STAG2: variants seen among roughly 807,000 people sequenced by gnomAD.
STAG2 encodes cohesin subunit SA-2.
Under a neutral mutation model 108.1 loss-of-function variants are expected in STAG2, and 14 were observed. The observed-to-expected ratio is 0.13, with a 90% confidence interval of 0.09 to 0.20. STAG2 has a LOEUF of 0.20. STAG2 is among the 10% of genes least tolerant of loss of function. STAG2 has a pLI of 1.00. For missense variants in STAG2, 440 were observed against 940.9 expected (o/e 0.47, Z 6.96); for synonymous variants, 307 against 302.7 (o/e 1.01, Z -0.15).
chrX:123,977,471 T>C (rs975056257), intron 1 of STAG2, among the ~76,000 whole-genome samples: 24 of 111,298 alleles, frequency 2.2e-4, no homozygotes, highest in African/African-American at 7.5e-4. Flanking sequence ...CCGGTATCTT[T>C]ACAGTTTCTG....
chrX:124,043,301 G>A (rs1288795703), intron 7 of STAG2, among the ~76,000 whole-genome samples: 1 of 108,527 alleles, frequency 9.2e-6, no homozygotes, highest in Non-Finnish European at 1.9e-5. Flanking sequence ...AATAATTTCT[G>A]TATTTTTAGT....
At chrX:124,009,392 C>CAGGTAGGTAGGTAGGT (rs748240892) in intron 1 of STAG2, among the ~76,000 whole-genome samples, 108 of 90,543 alleles carry the variant, frequency 1.2e-3, no homozygotes, top group African/African-American at 4.1e-3. Context: ...GTAATCTAAC[C>CAGGTAGGTAGGTAGGT]AGGTAGGTAG....
intron 3 of STAG2, 28 bp from the exon 4 acceptor site, chrX:124,025,812 G>T: frequency 1.9e-6 from 2 of 1,026,305 alleles, no homozygotes; most frequent in Non-Finnish European, 2.6e-6. Flanking sequence ...TCTAAGGAAG[G>T]GTTTTAATTC....
At position 124,066,440 on chromosome X, in the gene STAG2, TGTG is replaced by T; in HGVS notation, c.2265+10_2265+12del. On this transcript the variant is annotated splice_donor_5th_base_variant and intron_variant, in intron 23 of 34. Transcript: ENST00000371145. ...AACTGAAAGCAGCTCTACAAAGGTT[TGTG>T]GTGGTTCAGTAGTGTTTTTATTAGA... The T allele has an allele frequency of 8.4e-7, 1 of 1,191,176 alleles. No homozygotes were observed. The highest frequency in any genetic ancestry group is 1.1e-6 in the Non-Finnish European group (1 of 879,357).
chrX:123,994,732 T>C (rs1030648122), intron 1 of STAG2, among the ~76,000 whole-genome samples: 1 of 111,910 alleles, frequency 8.9e-6, no homozygotes, highest in Non-Finnish European at 1.9e-5. Context: ...AGAGCTATTA[T>C]GTGGATTATC....
At chrX:124,067,027 A>AT (rs2058549724) in intron 23 of STAG2, among the ~76,000 whole-genome samples, 1 of 111,254 alleles carries the variant, frequency 9.0e-6, no homozygotes, top group East Asian at 2.8e-4. Flanking sequence ...ATTACCTTAA[A>AT]TATTGTTTGG....
rs375818259 is a variant in STAG2 at position 124,078,798 on chromosome X, G to A, written c.2775+740G>A. ...AGCCTGGCCAACATGGTGAAACCCC[G>A]TCTCTACTAAAAATACAAAAATTAG... On this transcript the variant is annotated intron_variant, in intron 27 of 34. Coordinates refer to ENST00000371145, the MANE Select transcript of STAG2 (RefSeq NM_001042750.2). Among the ~76,000 whole-genome samples the A allele has an allele frequency of 3.5e-4, 38 of 109,408 alleles. 1 individual carries two copies. The East Asian group carries it at 7.3e-3, about 21-fold the overall frequency.
chrX:124,063,839 AT>A lies in STAG2; in HGVS notation c.1822-5del. The A allele has an allele frequency of 5.0e-6, 6 of 1,198,183 alleles. No homozygotes were observed. Among genetic ancestry groups the A allele is most frequent in the Non-Finnish European group, 6.8e-6 (6 of 884,029 alleles). On this transcript the variant is annotated splice_polypyrimidine_tract_variant and splice_region_variant and intron_variant, in intron 19 of 34. Transcript: ENST00000371145. ...CTTAGTTTTGATGAAAAATATTATT[AT>A]TTTGCAGCATTTGGATGCCTTATTG... is the stretch of plus-strand genomic sequence containing the variant.
At chrX:124,028,824 T>TATATATATATATA (rs1569507053) in intron 4 of STAG2, among the ~76,000 whole-genome samples, 2 of 65,709 alleles carry the variant, frequency 3.0e-5, no homozygotes, top group African/African-American at 1.2e-4. Context: ...ATATATATAT[T>TATATATATATATA]TTTTTTTTTA....
chrX:124,052,811 ATTTC>A (rs1423520033), intron 13 of STAG2, among the ~76,000 whole-genome samples: 1 of 105,124 alleles, frequency 9.5e-6, no homozygotes, highest in Non-Finnish European at 2.0e-5. Flanking sequence ...AAGATTTCCA[ATTTC>A]TTTTTTTTTT....
rs1482003828 is a variant in STAG2, at chrX:124,010,419, GC to G, written c.-162-10945del. On this transcript the variant is annotated intron_variant, in intron 1 of 34. Transcript: ENST00000371145. ...ACTAGCTTATTTCAGTTAGCATAAT[GC>G]CCTTAGGGTCCATCCGTGTTGTAAT... Among the ~76,000 whole-genome samples, 47 of 111,729 alleles carry G rather than the reference GC, an allele frequency of 4.2e-4. 1 individual carries two copies. Among genetic ancestry groups the G allele is most frequent in the Non-Finnish European group, 7.7e-4 (41 of 53,055 alleles).
intron 5 of STAG2, among the ~76,000 whole-genome samples, chrX:124,035,541 G>C (rs1175585074): frequency 8.9e-6 from 1 of 111,839 alleles, no homozygotes; most frequent in Non-Finnish European, 1.9e-5. Flanking sequence ...GATTCTTTGG[G>C]TCTGGAATTC....
rs993969595 is a variant in STAG2 at position 124,102,303 on chromosome X, AT to A, written c.*1714del. 50 of 157,075 alleles carry A rather than the reference AT, an allele frequency of 3.2e-4. No individual in the cohort carries two copies. Among genetic ancestry groups the A allele is most frequent in the African/African-American group, 1.4e-3 (45 of 32,893 alleles). The allele number at this position is 157,075 out of a possible 1,213,427, so 12.9% of individuals were successfully genotyped here. A position where few individuals can be genotyped will look rare whatever the true frequency, so the allele number is the denominator to read the frequency against. On this transcript the variant is annotated 3_prime_UTR_variant, in exon 35 of 35. Coordinates refer to ENST00000371145, the MANE Select transcript of STAG2 (RefSeq NM_001042750.2). ...TATATATGATTTTAAACCTAAGTTG[AT>A]TTTTTTTCTCACTCTTGAAAGGAGT...
chrX:124,091,588 T>C (rs1337442546), intron 32 of STAG2, among the ~76,000 whole-genome samples: 1 of 112,261 alleles, frequency 8.9e-6, no homozygotes, highest in African/African-American at 3.2e-5. Context: ...AAAATCATCA[T>C]AAAAGAACAA....
intron 3 of STAG2, among the ~76,000 whole-genome samples, chrX:124,025,463 G>A (rs749924066): frequency 5.4e-5 from 6 of 111,240 alleles, no homozygotes; most frequent in Admixed American, 1.9e-4. Context: ...CCAATGCCTA[G>A]TATTAAAATA....
intron 30 of STAG2, 53 bp downstream of exon 30, chrX:124,086,823 ATTGT>A: frequency 1.1e-6 from 1 of 940,700 alleles, no homozygotes. Flanking sequence ...TACCAACTGA[ATTGT>A]CATTAAGGTT....
intron 6 of STAG2, 31 bp downstream of exon 6, chrX:124,037,654 T>A (rs902863701): frequency 7.3e-6 from 7 of 957,017 alleles, no homozygotes; most frequent in Non-Finnish European, 8.7e-6. Context: ...AATCAGCAGC[T>A]CTCAAATAGT....
Position 124,071,161 on chromosome X carries a change from C to A in STAG2, c.2371C>A (p.Leu791Met). The change falls in exon 25 of 35, where the codon CTG (leucine) becomes ATG (methionine). Residue 791 changes from leucine (L) to methionine (M), a missense_variant. Leu to Met is a conservative substitution (Grantham distance 15). Around this residue, in one of 3 missense-constraint regions of STAG2, gnomAD observed 337 missense variants for 649.3 expected, o/e 0.52. Coordinates refer to ENST00000371145, the MANE Select transcript of STAG2 (RefSeq NM_001042750.2). ...TTTTTTTAAATAGGCCTTCACTATTCTGTGTGATATTTTGATGATCTTCAG... is the reference window on the plus strand; with the variant it reads ...TTTTTTTAAATAGGCCTTCACTATTATGTGTGATATTTTGATGATCTTCAG... ...TTVKEQAFTI[L>M]CDILMIFSHQ... The A allele has an allele frequency of 8.7e-7, 1 of 1,155,596 alleles. No individual in the cohort carries two copies. Among genetic ancestry groups the A allele is most frequent in the East Asian group, 3.1e-5 (1 of 31,810 alleles).
At chrX:124,060,207 C>T (rs2058340227) in intron 15 of STAG2, among the ~76,000 whole-genome samples, 1 of 111,344 alleles carries the variant, frequency 9.0e-6, no homozygotes, top group African/African-American at 3.3e-5. Context: ...CGGCTCACTG[C>T]CAATCTCTGC....
Sources: allele counts gnomAD v4.1 joint callset (sites outside exome capture counted in the v4.1 genomes callset), GRCh38; gene constraint gnomAD v4.1.1; regional missense constraint gnomAD v4.1.1; transcripts MANE v1.5; gene names NCBI Gene and HGNC (gene_info 2026-07-23, HGNC 2026-07-21).